Variants in CEP63 observed in about 807,000 individuals in gnomAD.
The protein encoded by CEP63 is centrosomal protein of 63 kDa.
A neutral mutation model predicts 89.1 loss-of-function variants in CEP63; 84 were observed. The observed-to-expected ratio is 0.94, with a 90% CI of 0.79 to 1.13. The LOEUF (loss-of-function observed/expected upper bound fraction) is 1.13, where lower values mean the gene tolerates loss of function less well. Among genes scored for constraint, CEP63 ranks in the 50% most tolerant of loss-of-function variants. The pLI, the probability that CEP63 is intolerant of heterozygous loss-of-function variation, is 0.00. For missense variants in CEP63, 838 were observed against 813.3 expected, an observed-to-expected ratio of 1.03 and a Z score of -0.37; for synonymous variants, 267 against 272.5, an observed-to-expected ratio of 0.98 and a Z score of 0.20.
At chr3:134,608,618 G>A in the CEP63 span, 1 of 1,613,934 alleles carries the variant, frequency 6.2e-7, no homozygotes, top group Non-Finnish European at 8.5e-7. Flanking sequence ...CATTCCTGCT[G>A]CTAGCACACT....
At chr3:134,636,613 G>A in the CEP63 span, among the ~76,000 whole-genome samples, 1 of 152,206 alleles carries the variant, frequency 6.6e-6, no homozygotes, top group Non-Finnish European at 1.5e-5. Flanking sequence ...AAGCACATGA[G>A]CAAGCCCACC....
At chr3:134,595,293 G>A in the CEP63 span, among the ~76,000 whole-genome samples, 1 of 152,196 alleles carries the variant, frequency 6.6e-6, no homozygotes, top group Non-Finnish European at 1.5e-5. Flanking sequence ...GCCATGAGAA[G>A]AAGTATGTGT....
the CEP63 span, among the ~76,000 whole-genome samples, chr3:134,697,745 G>A: frequency 6.6e-6 from 1 of 152,192 alleles, no homozygotes. Context: ...TGTCAACTGT[G>A]TTGAGCTTTT....
the CEP63 span, among the ~76,000 whole-genome samples, chr3:134,620,230 C>T: frequency 6.6e-6 from 1 of 152,190 alleles, no homozygotes; most frequent in Non-Finnish European, 1.5e-5. Context: ...GCCCAGGTCC[C>T]TCAGGTGGCT....
rs574345942 is a variant in CEP63 at position 134,572,796 on chromosome 3, G to A, written c.1330-1997G>A. ...TAGTAATGGAATTGCTGGGTCAAATGGTAGTTCTGTTTTAAGTTCATTGAG... is the reference window on the plus strand; with the variant it reads ...TAGTAATGGAATTGCTGGGTCAAATAGTAGTTCTGTTTTAAGTTCATTGAG... On this transcript the variant is annotated intron_variant, in intron 11 of 11. Transcript: ENST00000354446. Among the ~76,000 whole-genome samples, 3 of 152,236 alleles carry A rather than the reference G, an allele frequency of 2.0e-5. No individual in the cohort carries two copies. The South Asian group carries it at 6.2e-4, about 32-fold the overall frequency.
downstream of CEP63, among the ~76,000 whole-genome samples, chr3:134,577,325 A>AT (rs1385020955): frequency 6.0e-5 from 9 of 150,074 alleles, no homozygotes; most frequent in East Asian, 2.0e-4. Context: ...AGCATGGATG[A>AT]TTTTTTCTCT....
At chr3:134,728,717 G>T in the CEP63 span, among the ~76,000 whole-genome samples, 2 of 152,048 alleles carry the variant, frequency 1.3e-5, no homozygotes, top group African/African-American at 2.4e-5. Flanking sequence ...GTAAACACGG[G>T]ATAAAAAATT....
chr3:134,515,968 T>C (rs1946108677), intron 3 of CEP63, among the ~76,000 whole-genome samples: 1 of 152,094 alleles, frequency 6.6e-6, no homozygotes, highest in South Asian at 2.1e-4. Flanking sequence ...TCCACACCTG[T>C]GGGTGTTTCT....
At chr3:134,529,815 A>AT (rs1450101578) in intron 3 of CEP63, among the ~76,000 whole-genome samples, 3 of 127,078 alleles carry the variant, frequency 2.4e-5, no homozygotes, top group South Asian at 2.4e-4. Flanking sequence ...CTCTACATTT[A>AT]TTTTTTTTAC....
intron 6 of CEP63, among the ~76,000 whole-genome samples, chr3:134,539,184 A>G (rs1023570950): frequency 2.0e-5 from 3 of 152,216 alleles, no homozygotes; most frequent in African/African-American, 4.8e-5. Context: ...AAACTTATCT[A>G]TATCCATTAA....
the CEP63 span, among the ~76,000 whole-genome samples, chr3:134,758,404 G>A: frequency 5.9e-5 from 9 of 152,150 alleles, no homozygotes; most frequent in South Asian, 2.1e-4. Flanking sequence ...TGTTGTAGTC[G>A]TTTACTGTGG....
chr3:134,569,585 T>C (rs987182602), downstream of CEP63, among the ~76,000 whole-genome samples: 5 of 152,208 alleles, frequency 3.3e-5, no homozygotes, highest in African/African-American at 1.2e-4. Flanking sequence ...GCTCCACTCC[T>C]GTGGCTTTGC....
At chr3:134,547,618 T>TTTTTTTTTTTTTC in intron 9 of CEP63, 146 bp downstream of exon 9, 1 of 242,024 alleles carries the variant, frequency 4.1e-6, no homozygotes, top group East Asian at 6.2e-5. Context: ...TTATTTCTTT[T>TTTTTTTTTTTTTC]TTTTTTTTTT....
intron 3 of CEP63, among the ~76,000 whole-genome samples, chr3:134,529,795 C>G (rs1286283712): frequency 6.6e-6 from 1 of 151,738 alleles, no homozygotes; most frequent in Admixed American, 6.6e-5. Flanking sequence ...GTGTGAGCCA[C>G]TCTACCTGGC....
chr3:134,496,743 T>C (rs992044284), intron 2 of CEP63, among the ~76,000 whole-genome samples: 14 of 152,246 alleles, frequency 9.2e-5, no homozygotes, highest in African/African-American at 2.9e-4. Context: ...GTGGGCATGA[T>C]GTCTTTTGAA....
chr3:134,636,602 C>A, the CEP63 span, among the ~76,000 whole-genome samples: 1 of 152,194 alleles, frequency 6.6e-6, no homozygotes, highest in East Asian at 1.9e-4. Flanking sequence ...CAGCTGACAA[C>A]AAGCACATGA....
chr3:134,531,920 T>C lies in CEP63; in HGVS notation c.298T>C (p.Leu100=). The stretch of plus-strand genomic sequence containing the variant: ...GATGACCATGGAATATAAGCAGGAG[T>C]TGAAGAAACTACATGAAGAAGTGAG... ...QEMTMEYKQE[L]KKLHEELCIL... The change falls in exon 4 of 15, where the codon TTG becomes CTG. Residue 100 remains leucine, a synonymous_variant. Transcript: ENST00000675561. 1 of 1,611,528 alleles carries C rather than the reference T, an allele frequency of 6.2e-7. No homozygotes were observed. Among genetic ancestry groups the C allele is most frequent in the Non-Finnish European group, 8.5e-7 (1 of 1,177,990 alleles).
the CEP63 span, among the ~76,000 whole-genome samples, chr3:134,770,605 A>C: frequency 6.6e-6 from 1 of 152,160 alleles, no homozygotes; most frequent in Non-Finnish European, 1.5e-5. Context: ...AAGCTAGTTT[A>C]AGCTAGTTTG....
At chr3:134,664,249 C>T in the CEP63 span, among the ~76,000 whole-genome samples, 1 of 152,290 alleles carries the variant, frequency 6.6e-6, no homozygotes, top group African/African-American at 2.4e-5. Flanking sequence ...CCAGCATTCC[C>T]AAGTGAGTCA....
Sources: gnomAD v4.1 joint callset for allele counts (sites outside exome capture counted in the v4.1 genomes callset) on GRCh38, gnomAD v4.1.1 for gene constraint, MANE v1.5 for transcripts, NCBI Gene and HGNC (gene_info 2026-07-23, HGNC 2026-07-21) for gene names.